WDR70: variants seen among roughly 807,000 people sequenced by gnomAD.
The protein encoded by WDR70 is WD repeat domain 70.
A neutral mutation model predicts 88.6 loss-of-function variants in WDR70; 53 were observed. The ratio of observed to expected loss-of-function variants is 0.60; its 90% CI spans 0.48 to 0.75. The LOEUF is 0.75. Among genes scored for constraint, WDR70 ranks in the 30% least tolerant of loss-of-function variants. The probability of loss-of-function intolerance (pLI) is 0.00; values close to 1 mark genes in which losing one functional copy is unlikely to be tolerated. For synonymous variants in WDR70, 280 were observed against 270.0 expected, an observed-to-expected ratio of 1.04 and a Z score of -0.36; for missense variants, 610 against 823.2, an observed-to-expected ratio of 0.74 and a Z score of 3.17.
rs188606077 is a variant in WDR70 at position 37,399,846 on chromosome 5, T to C, written c.492+3276T>C. Among the ~76,000 whole-genome samples the C allele has an allele frequency of 4.6e-5, 7 of 152,218 alleles. No homozygotes were observed. In the East Asian group the frequency reaches 1.4e-3, roughly 29 times the overall value. On this transcript the variant is annotated intron_variant, in intron 5 of 17. Transcript: ENST00000265107. The stretch of plus-strand genomic sequence containing the variant: ...GTGTAGAGACCCGAGTAGGTGAGTG[T>C]GTTTGTGCATGTGTGTGGTGCAGAT...
chr5:37,625,789 A>G (rs1000220889), intron 10 of WDR70, among the ~76,000 whole-genome samples: 1 of 152,088 alleles, frequency 6.6e-6, no homozygotes. Context: ...TCAGCCTCCC[A>G]AAGTGCTAGA....
At chr5:37,741,474 A>G (rs536675335) in intron 17 of WDR70, among the ~76,000 whole-genome samples, 1 of 152,086 alleles carries the variant, frequency 6.6e-6, no homozygotes, top group East Asian at 1.9e-4. Context: ...TTTTCCATGG[A>G]ATGGGAGTGG....
chr5:37,449,997 G>C (rs1677889511), intron 7 of WDR70, among the ~76,000 whole-genome samples: 1 of 152,122 alleles, frequency 6.6e-6, no homozygotes, highest in Admixed American at 6.6e-5. Context: ...AACATGTGGT[G>C]TTTGGTTTTC....
At chr5:37,609,542 G>A (rs1287034361) in intron 10 of WDR70, among the ~76,000 whole-genome samples, 1 of 152,204 alleles carries the variant, frequency 6.6e-6, no homozygotes, top group Non-Finnish European at 1.5e-5. Context: ...TATTCATGGA[G>A]TTTTGTTCTC....
At chr5:37,559,263 C>G (rs1742413115) in intron 9 of WDR70, among the ~76,000 whole-genome samples, 1 of 152,160 alleles carries the variant, frequency 6.6e-6, no homozygotes, top group Admixed American at 6.6e-5. Context: ...ACACTATCCT[C>G]ATCACTAAGC....
In WDR70 at chr5:37,721,173, ATGGAT is replaced by A. The variant is rs1390741664; in HGVS notation, c.1479_1483del (p.Leu494Ter). ...AACCAGATCATGGTTGGAACTGGAA[ATGGAT>A]TGGCTAAAGTCTATTACGACCCCAA... is the stretch of plus-strand genomic sequence containing the variant. On this transcript the variant is annotated frameshift_variant, in exon 14 of 18. Transcript: ENST00000265107. LOFTEE classifies it high-confidence loss of function. The A allele has an allele frequency of 1.2e-6, 2 of 1,613,748 alleles. No homozygotes were observed. Among genetic ancestry groups the A allele is most frequent in the Non-Finnish European group, 1.7e-6 (2 of 1,179,744 alleles).
intron 9 of WDR70, among the ~76,000 whole-genome samples, chr5:37,524,292 C>T (rs1167983543): frequency 7.9e-5 from 12 of 152,220 alleles, no homozygotes. Flanking sequence ...TCGGCAGAAG[C>T]TCTACAAGCC....
At chr5:37,682,837 C>T (rs1746478135) in intron 10 of WDR70, among the ~76,000 whole-genome samples, 2 of 152,154 alleles carry the variant, frequency 1.3e-5, no homozygotes, top group South Asian at 4.2e-4. Flanking sequence ...GTTCTATATC[C>T]AATTACGTGG....
intron 10 of WDR70, among the ~76,000 whole-genome samples, chr5:37,617,777 A>C (rs1400681796): frequency 6.6e-6 from 1 of 152,242 alleles, no homozygotes; most frequent in Non-Finnish European, 1.5e-5. Context: ...CAGAAATCCT[A>C]GCTTTCATAG....
intron 10 of WDR70, among the ~76,000 whole-genome samples, chr5:37,605,911 A>G (rs1744019635): frequency 6.6e-6 from 1 of 152,198 alleles, no homozygotes; most frequent in Non-Finnish European, 1.5e-5. Context: ...GTTAAATGGA[A>G]TGAGTCTAGA....
chr5:37,451,155 C>T (rs1738666732), intron 7 of WDR70, among the ~76,000 whole-genome samples: 2 of 152,162 alleles, frequency 1.3e-5, no homozygotes, highest in Admixed American at 6.5e-5. Context: ...GTCTTGGTCT[C>T]CCAAAGTGCT....
intron 17 of WDR70, among the ~76,000 whole-genome samples, chr5:37,741,633 A>C (rs1288675616): frequency 6.6e-6 from 1 of 152,164 alleles, no homozygotes; most frequent in Non-Finnish European, 1.5e-5. Context: ...CTGATCTTAC[A>C]GGAGGTGGAG....
chr5:37,708,803 G>C (rs575880819), intron 13 of WDR70, among the ~76,000 whole-genome samples: 1 of 152,276 alleles, frequency 6.6e-6, no homozygotes, highest in Non-Finnish European at 1.5e-5. Context: ...GCTTTGGAAT[G>C]TATCTTTGTT....
chr5:37,660,468 A>G (rs1337208363), intron 10 of WDR70, among the ~76,000 whole-genome samples: 3 of 142,248 alleles, frequency 2.1e-5, no homozygotes, highest in Non-Finnish European at 3.1e-5. Flanking sequence ...TTTTTTCTGT[A>G]TTTTAAGTCT....
intron 5 of WDR70, among the ~76,000 whole-genome samples, chr5:37,425,775 C>G (rs1750105677): frequency 2.6e-5 from 4 of 151,900 alleles, no homozygotes; most frequent in South Asian, 2.1e-4. Context: ...ATGGAAATGA[C>G]TTGGTAATTG....
At chr5:37,484,677 T>C (rs939691868) in intron 8 of WDR70, among the ~76,000 whole-genome samples, 28 of 152,310 alleles carry the variant, frequency 1.8e-4, no homozygotes, top group Admixed American at 1.6e-3. Context: ...TAACTACAGG[T>C]CAATAATTAT....
intron 5 of WDR70, among the ~76,000 whole-genome samples, chr5:37,425,326 C>T (rs1455714593): frequency 2.0e-5 from 3 of 152,076 alleles, no homozygotes; most frequent in Non-Finnish European, 2.9e-5. Context: ...ATGTAGAGCA[C>T]GATAACATGG....
chr5:37,526,486 A>T (rs1741277451), intron 9 of WDR70, among the ~76,000 whole-genome samples: 1 of 152,174 alleles, frequency 6.6e-6, no homozygotes, highest in South Asian at 2.1e-4. Flanking sequence ...CATATCTCTA[A>T]ATAATAAGAG....
In WDR70 at chr5:37,465,720, A is replaced by G. The variant is rs1415877965; in HGVS notation, c.687-14114A>G. Among the ~76,000 whole-genome samples, 3 of 143,596 alleles carry G rather than the reference A, an allele frequency of 2.1e-5. No homozygotes were observed. In the East Asian group the frequency reaches 6.3e-4, roughly 30 times the overall value. 94.2% of individuals were successfully genotyped at this position (143,596 alleles called of 152,430 possible). A position where few individuals can be genotyped will look rare whatever the true frequency, so the allele number is the denominator to read the frequency against. Reference sequence around the variant, plus strand: ...TTCTCAGCTTTGGAATTAGAGGTGTAGAAAATAAATGGGACTCAACAGCCT... The same window carrying G: ...TTCTCAGCTTTGGAATTAGAGGTGTGGAAAATAAATGGGACTCAACAGCCT... On this transcript the variant is annotated intron_variant, in intron 7 of 17. Coordinates refer to ENST00000265107, the MANE Select transcript of WDR70 (RefSeq NM_018034.4).
Sources: gnomAD v4.1 joint callset for allele counts (sites outside exome capture counted in the v4.1 genomes callset) on GRCh38, gnomAD v4.1.1 for gene constraint, MANE v1.5 for transcripts, NCBI Gene and HGNC (gene_info 2026-07-23, HGNC 2026-07-21) for gene names.